ERCC4: variants seen among roughly 807,000 people sequenced by gnomAD.
ERCC4 encodes ERCC excision repair 4, endonuclease catalytic subunit, also known as DNA repair endonuclease XPF.
ERCC4 carries 65 observed loss-of-function variants against 76.9 expected under a neutral mutation model. The observed-to-expected ratio is 0.84, with a 90% CI of 0.69 to 1.04. The LOEUF (loss-of-function observed/expected upper bound fraction) is 1.04, where lower values mean the gene tolerates loss of function less well. Ranked by LOEUF, ERCC4 falls within the 50% of genes least tolerant of loss-of-function variation. The pLI is 0.00. For missense variants in ERCC4, 1,214 were observed against 1,128.2 expected, an observed-to-expected ratio of 1.08 and a Z score of -1.09; for synonymous variants, 463 against 410.1, an observed-to-expected ratio of 1.13 and a Z score of -1.56.
At chr16:13,927,131 C>T (rs2032087230) in intron 3 of ERCC4, among the ~76,000 whole-genome samples, 1 of 152,184 alleles carries the variant, frequency 6.6e-6, no homozygotes. Flanking sequence ...TTGAAAATTA[C>T]TCAACAGGGA....
At chr16:13,929,236 A>G (rs1018216795) in intron 4 of ERCC4, among the ~76,000 whole-genome samples, 1 of 152,236 alleles carries the variant, frequency 6.6e-6, no homozygotes, top group Non-Finnish European at 1.5e-5. Flanking sequence ...TTCTTTTAGT[A>G]ACCATATCTA....
rs1410171493 is a variant in ERCC4, at chr16:13,926,886, A to G, written c.584+130A>G. ...ATTGTAATTTTGTTTGATAGAACCT[A>G]GTCAGTTTTATAACAAACACATCCA... On this transcript the variant is annotated intron_variant, in intron 3 of 10. Transcript: ENST00000311895. The G allele has an allele frequency of 7.9e-6, 6 of 757,266 alleles. No homozygotes were observed. In the East Asian group the frequency reaches 1.3e-4, roughly 17 times the overall value. The allele number at this position is 757,266 out of a possible 1,614,324, so 46.9% of individuals were successfully genotyped here. A position where few individuals can be genotyped will look rare whatever the true frequency, so the allele number is the denominator to read the frequency against.
At chr16:13,926,443 A>G (rs1596620519) in intron 2 of ERCC4, 118 bp from the exon 3 acceptor site, 9 of 847,974 alleles carry the variant, frequency 1.1e-5, no homozygotes, top group East Asian at 9.7e-5. Context: ...GTGCGTGGCT[A>G]TATGCCCAGT....
At chr16:13,926,417 G>GATTT in intron 2 of ERCC4, 144 bp from the exon 3 acceptor site, 1 of 738,546 alleles carries the variant, frequency 1.4e-6, no homozygotes, top group South Asian at 1.5e-5. Flanking sequence ...TGAGGACAGG[G>GATTT]ATTTATCTCT....
chr16:13,944,611 T>C, intron 9 of ERCC4, 112 bp from the exon 10 acceptor site: 1 of 748,376 alleles, frequency 1.3e-6, no homozygotes, highest in Non-Finnish European at 2.4e-6. Flanking sequence ...GTTTTTGTTT[T>C]TCTCTTACTG....
intron 9 of ERCC4, among the ~76,000 whole-genome samples, chr16:13,944,508 G>C (rs1300681773): frequency 1.3e-5 from 2 of 150,654 alleles, no homozygotes; most frequent in Non-Finnish European, 2.9e-5. Flanking sequence ...TCAAGAAGTA[G>C]TATCCGACCA....
intron 4 of ERCC4, among the ~76,000 whole-genome samples, chr16:13,929,026 A>C (rs1416196911): frequency 6.6e-6 from 1 of 152,210 alleles, no homozygotes; most frequent in Admixed American, 6.5e-5. Flanking sequence ...TTGATACATA[A>C]AACTAATTTT....
intron 8 of ERCC4, among the ~76,000 whole-genome samples, chr16:13,936,486 T>C (rs947554585): frequency 2.0e-5 from 3 of 152,238 alleles, no homozygotes; most frequent in Non-Finnish European, 4.4e-5. Flanking sequence ...AATTATAGGC[T>C]GGTAAATTTT....
At position 13,947,920 on chromosome 16, in the gene ERCC4, T is replaced by G; in HGVS notation, c.2324T>G (p.Leu775Trp). Residue 775 changes from leucine to tryptophan, a missense_variant, in exon 11 of 11, where the codon TTG becomes TGG. Leu to Trp is a moderately conservative substitution (Grantham distance 61). Transcript: ENST00000311895. ...KPFSLTSRGA[L>W]FQEISSNDIS... is the part of the protein sequence containing the mutation. The stretch of plus-strand genomic sequence containing the variant: ...TTCTCTCTCACTTCCCGAGGTGCCT[T>G]GTTTCAGGAGATCTCCAGCAATGAC... 6.2e-7 allele frequency: 1 copy of G among 1,614,160 alleles called. No homozygotes were observed. The highest frequency in any genetic ancestry group is 8.5e-7 in the Non-Finnish European group (1 of 1,180,016).
intron 6 of ERCC4, 170 bp from the exon 7 acceptor site, chr16:13,934,022 C>T (rs1032931862): frequency 4.2e-5 from 24 of 564,762 alleles, no homozygotes; most frequent in Non-Finnish European, 6.6e-5. Context: ...TTCATTTACA[C>T]CTTAAGTAGA....
At chr16:13,925,365 G>T (rs1186612143) in intron 2 of ERCC4, among the ~76,000 whole-genome samples, 11 of 152,128 alleles carry the variant, frequency 7.2e-5, no homozygotes, top group Admixed American at 7.2e-4. Context: ...TAGAGTCCTT[G>T]GGAAAACCCA....
At chr16:13,921,009 CG>C (rs1342713623) in intron 1 of ERCC4, among the ~76,000 whole-genome samples, 2 of 151,900 alleles carry the variant, frequency 1.3e-5, no homozygotes, top group African/African-American at 2.4e-5. Context: ...GGGGAGATGT[CG>C]GAAGGAGGAT....
intron 2 of ERCC4, among the ~76,000 whole-genome samples, chr16:13,924,689 A>T (rs759104687): frequency 2.0e-5 from 3 of 152,212 alleles, no homozygotes; most frequent in African/African-American, 4.8e-5. Context: ...TACATTGGTG[A>T]TAAAGATAGT....
At chr16:13,925,131 A>C (rs2032048644) in intron 2 of ERCC4, among the ~76,000 whole-genome samples, 1 of 152,212 alleles carries the variant, frequency 6.6e-6, no homozygotes, top group South Asian at 2.1e-4. Context: ...GCATGGAATT[A>C]TCATAACAAT....
In ERCC4 at chr16:13,922,267, G is replaced by A. The variant is rs1408690925; in HGVS notation, c.388+56G>A. The A allele has an allele frequency of 4.2e-5, 48 of 1,141,874 alleles. No individual in the cohort carries two copies. In the East Asian group the frequency reaches 1.2e-3, roughly 28 times the overall value. 70.7% of individuals were successfully genotyped at this position (1,141,874 alleles called of 1,614,324 possible). A position where few individuals can be genotyped will look rare whatever the true frequency, so the allele number is the denominator to read the frequency against. ...TAAATTTGTACTTTTTTTTTTTTAAGTACAATTTCCATTTTATTTTTCTCC... is the reference window on the plus strand; with the variant it reads ...TAAATTTGTACTTTTTTTTTTTTAAATACAATTTCCATTTTATTTTTCTCC... On this transcript the variant is annotated intron_variant, in intron 2 of 10. Transcript: ENST00000311895.
chr16:13,934,358 A>G, intron 7 of ERCC4, 56 bp downstream of exon 7: 1 of 1,138,288 alleles, frequency 8.8e-7, no homozygotes, highest in Non-Finnish European at 1.3e-6. Flanking sequence ...ATGAGTCCTG[A>G]TTTAATTAGC....
intron 10 of ERCC4, among the ~76,000 whole-genome samples, chr16:13,945,329 T>C (rs530796970): frequency 2.3e-4 from 35 of 152,320 alleles, no homozygotes; most frequent in African/African-American, 7.7e-4. Flanking sequence ...GCTCCCCAGA[T>C]ACCTGGTGTC....
At chr16:13,929,157 A>T (rs765606011) in intron 4 of ERCC4, among the ~76,000 whole-genome samples, 1 of 152,210 alleles carries the variant, frequency 6.6e-6, no homozygotes, top group Admixed American at 6.5e-5. Flanking sequence ...ATTGTAGCCT[A>T]ACATGTTTCA....
At chr16:13,939,163 G>A (rs574212727) in intron 9 of ERCC4, among the ~76,000 whole-genome samples, 84 of 152,262 alleles carry the variant, frequency 5.5e-4, no homozygotes, top group African/African-American at 1.8e-3. Flanking sequence ...TATACCAGCC[G>A]CCTCTTGTTC....
Sources: gnomAD v4.1 joint callset for allele counts (sites outside exome capture counted in the v4.1 genomes callset) on GRCh38, gnomAD v4.1.1 for gene constraint, MANE v1.5 for transcripts, NCBI Gene and HGNC (gene_info 2026-07-23, HGNC 2026-07-21) for gene names.